ADAMTSL1: variants seen among roughly 807,000 people sequenced by gnomAD.
The protein encoded by ADAMTSL1 is ADAMTS like 1, also known as ADAMTS-like protein 1.
A neutral mutation model predicts 201.8 loss-of-function variants in ADAMTSL1; 126 were observed. The ratio of observed to expected loss-of-function variants is 0.62; its 90% CI spans 0.54 to 0.72. The LOEUF (loss-of-function observed/expected upper bound fraction) is 0.72, where lower values mean the gene tolerates loss of function less well. Ranked by LOEUF, ADAMTSL1 falls within the 30% of genes least tolerant of loss-of-function variation. The pLI is 0.00. For missense variants in ADAMTSL1, 2,679 were observed against 2,277.8 expected (o/e 1.18, Z -3.59); for synonymous variants, 1,121 against 903.4 (o/e 1.24, Z -4.32).
intron 2 of ADAMTSL1, among the ~76,000 whole-genome samples, chr9:18,447,999 G>A (rs576926276): frequency 6.6e-6 from 1 of 152,134 alleles, no homozygotes. Flanking sequence ...CAAAACAAGA[G>A]ATTTGTGTGC....
chr9:18,035,557 CA>C (rs544470105), intron 1 of ADAMTSL1, among the ~76,000 whole-genome samples: 34 of 152,244 alleles, frequency 2.2e-4, no homozygotes, highest in African/African-American at 7.9e-4. Flanking sequence ...AGTCTTTGTT[CA>C]GATGATCCCC....
At chr9:18,357,385 C>A (rs764849206) in intron 2 of ADAMTSL1, among the ~76,000 whole-genome samples, 13 of 152,114 alleles carry the variant, frequency 8.5e-5, no homozygotes, top group Non-Finnish European at 1.5e-4. Flanking sequence ...TAATATGTTC[C>A]GTTTCACTTC....
chr9:18,043,139 G>T (rs1469268123), intron 1 of ADAMTSL1, among the ~76,000 whole-genome samples: 4 of 152,136 alleles, frequency 2.6e-5, no homozygotes, highest in Non-Finnish European at 5.9e-5. Flanking sequence ...AATTACCTGG[G>T]ATATTTACAA....
chr9:18,819,501 A>G (rs1824078378), intron 21 of ADAMTSL1, among the ~76,000 whole-genome samples: 1 of 151,834 alleles, frequency 6.6e-6, no homozygotes, highest in Admixed American at 6.6e-5. Context: ...AAAACAAGGA[A>G]ATGGGCATTT....
chr9:18,102,926 G>A (rs145739256), intron 1 of ADAMTSL1, among the ~76,000 whole-genome samples: 22 of 152,284 alleles, frequency 1.4e-4, no homozygotes, highest in East Asian at 5.8e-4. Flanking sequence ...ATCCAGAGAC[G>A]AAGAGCCCAG....
chr9:18,020,588 A>G (rs1820439643), intron 1 of ADAMTSL1, among the ~76,000 whole-genome samples: 1 of 152,052 alleles, frequency 6.6e-6, no homozygotes, highest in Non-Finnish European at 1.5e-5. Context: ...ATGAGAACTC[A>G]CTATCAACAG....
At chr9:18,625,206 C>G (rs779853193) in intron 5 of ADAMTSL1, among the ~76,000 whole-genome samples, 1 of 152,118 alleles carries the variant, frequency 6.6e-6, no homozygotes, top group South Asian at 2.1e-4. Flanking sequence ...GCCACATGCT[C>G]TCTTCAAACT....
At chr9:18,410,344 G>C (rs575330782) in intron 2 of ADAMTSL1, among the ~76,000 whole-genome samples, 4 of 152,088 alleles carry the variant, frequency 2.6e-5, no homozygotes, top group East Asian at 3.9e-4. Context: ...TCTTCTTCCT[G>C]ATTTCTCCCT....
intron 2 of ADAMTSL1, among the ~76,000 whole-genome samples, chr9:18,285,820 A>G (rs1832970045): frequency 6.6e-6 from 1 of 152,016 alleles, no homozygotes; most frequent in East Asian, 1.9e-4. Context: ...CTGTTTTCTT[A>G]CATATAACAG....
chr9:18,542,427 C>A (rs1438300086), intron 3 of ADAMTSL1, among the ~76,000 whole-genome samples: 1 of 152,154 alleles, frequency 6.6e-6, no homozygotes, highest in Non-Finnish European at 1.5e-5. Flanking sequence ...GAATCCTAAA[C>A]TCCCATACCT....
At chr9:18,566,464 G>A (rs930473836) in intron 3 of ADAMTSL1, among the ~76,000 whole-genome samples, 1 of 152,202 alleles carries the variant, frequency 6.6e-6, no homozygotes, top group East Asian at 1.9e-4. Context: ...TAGGAAAAAG[G>A]AAAGTTGAGC....
intron 2 of ADAMTSL1, among the ~76,000 whole-genome samples, chr9:18,203,122 A>C (rs1336945239): frequency 1.3e-5 from 2 of 152,094 alleles, no homozygotes; most frequent in Non-Finnish European, 2.9e-5. Context: ...CATGAATTGC[A>C]CAAAGGCCGT....
At chr9:17,951,317 T>C (rs1466796994) in intron 1 of ADAMTSL1, among the ~76,000 whole-genome samples, 1 of 152,208 alleles carries the variant, frequency 6.6e-6, no homozygotes, top group Non-Finnish European at 1.5e-5. Context: ...CACATGAGTC[T>C]GCCCAGAGTT....
chr9:18,476,805 T>C (rs939381755), intron 1 of ADAMTSL1, among the ~76,000 whole-genome samples: 1 of 152,226 alleles, frequency 6.6e-6, no homozygotes, highest in African/African-American at 2.4e-5. Flanking sequence ...GCCCAGTTTC[T>C]ACCTTATTAA....
chr9:18,795,560 A>G (rs1822372853), intron 20 of ADAMTSL1, 36 bp downstream of exon 20: 1 of 1,567,486 alleles, frequency 6.4e-7, no homozygotes, highest in African/African-American at 1.4e-5. Flanking sequence ...CATTTCATAA[A>G]CCTTTATTGA....
At chr9:18,547,846 C>T (rs1007931556) in intron 3 of ADAMTSL1, among the ~76,000 whole-genome samples, 1 of 151,632 alleles carries the variant, frequency 6.6e-6, no homozygotes, top group Non-Finnish European at 1.5e-5. Context: ...GATTCTGGAC[C>T]GGGGGCCATG....
chr9:18,362,554 G>T (rs924212552), intron 2 of ADAMTSL1, among the ~76,000 whole-genome samples: 1 of 152,146 alleles, frequency 6.6e-6, no homozygotes. Context: ...CTGGCATTTT[G>T]CTGGCAGTTC....
At position 18,636,017 on chromosome 9, in the gene ADAMTSL1, T is replaced by G. The variant is rs778897217; in HGVS notation, c.676T>G (p.Tyr226Asp). The G allele has an allele frequency of 6.3e-7, 1 of 1,582,728 alleles. No individual in the cohort carries two copies. Among genetic ancestry groups the G allele is most frequent in the African/African-American group, 1.4e-5 (1 of 72,696 alleles). ...RLVLKGPDHL[Y>D]LETKTLQGTK... ...TGTCTTAAAAGGTCCTGATCACTTA[T>G]GTAAGTAACTCCATTGTTTTCCTTT... The change falls in exon 6 of 29, where the codon TAT (tyrosine) becomes GAT (aspartate). Residue 226 changes from tyrosine to aspartate, a missense_variant and splice_region_variant. Coordinates refer to ENST00000380548, the MANE Select transcript of ADAMTSL1 (RefSeq NM_001040272.6).
At chr9:18,656,868 C>T (rs1355568783) in intron 7 of ADAMTSL1, among the ~76,000 whole-genome samples, 1 of 151,870 alleles carries the variant, frequency 6.6e-6, no homozygotes, top group East Asian at 1.9e-4. Flanking sequence ...TCCTTCTCTT[C>T]AGTTTATGTT....
Sources: allele counts gnomAD v4.1 joint callset (sites outside exome capture counted in the v4.1 genomes callset), GRCh38; gene constraint gnomAD v4.1.1; transcripts MANE v1.5; gene names NCBI Gene and HGNC (gene_info 2026-07-23, HGNC 2026-07-21).